Variants in RGL1 observed in about 807,000 individuals in gnomAD.
RGL1 encodes the protein ral guanine nucleotide dissociation stimulator-like 1.
RGL1 carries 24 observed loss-of-function variants against 95.2 expected under a neutral mutation model. The observed-to-expected ratio is 0.25, with a 90% CI of 0.18 to 0.35. The LOEUF (loss-of-function observed/expected upper bound fraction) is 0.35. RGL1 is among the 10% of genes least tolerant of loss of function. The pLI is 1.00. For missense variants in RGL1, 715 were observed against 936.3 expected (o/e 0.76, Z 3.08); for synonymous variants, 329 against 344.9 (o/e 0.95, Z 0.51).
intron 1 of RGL1, among the ~76,000 whole-genome samples, chr1:183,697,185 G>A (rs139952366): frequency 4.5e-4 from 69 of 151,868 alleles, no homozygotes; most frequent in African/African-American, 1.4e-3. Context: ...CCCTGCTCCC[G>A]CCCCAAACCC....
chr1:183,709,621 G>C, intron 1 of RGL1: 1 of 207,756 alleles, frequency 4.8e-6, no homozygotes, highest in Non-Finnish European at 1.0e-5. Flanking sequence ...TTTCAGCTGT[G>C]AGCTCTTCAT....
chr1:183,801,143 T>TTGTGTGTGTGTGTGTGTGTG (rs139990784), upstream of RGL1, among the ~76,000 whole-genome samples: 4 of 129,888 alleles, frequency 3.1e-5, no homozygotes, highest in African/African-American at 1.1e-4. Flanking sequence ...ACTTGTTATT[T>TTGTGTGTGTGTGTGTGTGTG]TGTGTGTGTG....
intron 2 of RGL1, among the ~76,000 whole-genome samples, chr1:183,772,285 T>C (rs1659322452): frequency 6.6e-6 from 1 of 152,162 alleles, no homozygotes; most frequent in South Asian, 2.1e-4. Context: ...ACACGCCCAC[T>C]GGGGCTTCAG....
chr1:183,636,265 G>C, exon 1 of RGL1: 2 of 398,780 alleles, frequency 5.0e-6, no homozygotes, highest in Non-Finnish European at 8.8e-6. Flanking sequence ...CAGTTGGTAG[G>C]AGTATGAGGC....
At chr1:183,715,814 G>C (rs866782765) in intron 1 of RGL1, among the ~76,000 whole-genome samples, 19 of 152,206 alleles carry the variant, frequency 1.2e-4, no homozygotes, top group Middle Eastern at 3.4e-3. Flanking sequence ...TAAGGAATTG[G>C]CTCATGTGGT....
intron 2 of RGL1, among the ~76,000 whole-genome samples, chr1:183,746,544 G>A (rs80139005): frequency 0.015 from 2,339 of 150,980 alleles, 75 homozygotes; most frequent in African/African-American, 0.054. Context: ...ATTATTCATC[G>A]TTATGTGGAT....
At chr1:183,648,746 A>G (rs544160727) in intron 1 of RGL1, 3 of 1,612,722 alleles carry the variant, frequency 1.9e-6, no homozygotes, top group South Asian at 1.1e-5. Context: ...CTATTGTTCC[A>G]TGATTTGCTA....
intron 2 of RGL1, among the ~76,000 whole-genome samples, chr1:183,785,365 A>G (rs1362533640): frequency 6.6e-6 from 1 of 151,860 alleles, no homozygotes; most frequent in Non-Finnish European, 1.5e-5. Context: ...CCCCTTTTTC[A>G]TGTGTTAACT....
intron 10 of RGL1, among the ~76,000 whole-genome samples, chr1:183,898,606 A>G (rs1667839871): frequency 6.6e-6 from 1 of 152,226 alleles, no homozygotes; most frequent in Non-Finnish European, 1.5e-5. Flanking sequence ...GCTCAACGTA[A>G]GTAAGAAATG....
intron 2 of RGL1, among the ~76,000 whole-genome samples, chr1:183,763,769 G>T (rs1658825670): frequency 1.3e-5 from 2 of 152,164 alleles, no homozygotes; most frequent in African/African-American, 4.8e-5. Context: ...ATATAGCTTG[G>T]TACATAATAA....
chr1:183,691,704 A>G (rs1276208310), intron 1 of RGL1, among the ~76,000 whole-genome samples: 1 of 152,242 alleles, frequency 6.6e-6, no homozygotes, highest in African/African-American at 2.4e-5. Flanking sequence ...TATCTTAAAC[A>G]TTAGTAAGCC....
At chr1:183,803,956 C>T (rs931679256), upstream of RGL1, among the ~76,000 whole-genome samples, 3 of 152,222 alleles carry the variant, frequency 2.0e-5, no homozygotes, top group African/African-American at 4.8e-5. Context: ...GGCATCTCCT[C>T]TCTATACAGT....
At chr1:183,899,854 A>G (rs1217756360) in intron 10 of RGL1, among the ~76,000 whole-genome samples, 2 of 152,236 alleles carry the variant, frequency 1.3e-5, no homozygotes, top group African/African-American at 4.8e-5. Flanking sequence ...AAGAGAACAG[A>G]CATCCTTCTC....
intron 1 of RGL1, among the ~76,000 whole-genome samples, chr1:183,662,358 CAA>C (rs1473923534): frequency 6.6e-6 from 1 of 151,846 alleles, no homozygotes; most frequent in Non-Finnish European, 1.5e-5. Flanking sequence ...GCAACTTCAG[CAA>C]AGTCTCAGGA....
intron 2 of RGL1, among the ~76,000 whole-genome samples, chr1:183,765,706 T>C (rs1658927034): frequency 6.6e-6 from 1 of 152,184 alleles, no homozygotes. Flanking sequence ...GTCCTTTTCA[T>C]GAACTCTCCC....
chr1:183,774,976 G>A lies in RGL1; in HGVS notation c.133-31399G>A, dbSNP rs553245505. ...GATCACAGCATCCAGACAATGAGAC[G>A]TCAGGCCCTTCATTCATTATGATTG... On this transcript the variant is annotated intron_variant, in intron 2 of 18. Transcript: ENST00000304685. 3.3e-5 allele frequency among the ~76,000 whole-genome samples: 5 copies of A among 152,250 alleles called. No homozygotes were observed. The South Asian group carries it at 6.2e-4, about 19-fold the overall frequency.
Position 183,901,223 on chromosome 1 carries a change from C to T in RGL1, c.1317+987C>T, listed in dbSNP as rs959339414. Among the ~76,000 whole-genome samples the T allele has an allele frequency of 5.9e-5, 9 of 152,002 alleles. 1 individual carries two copies. The highest frequency in any genetic ancestry group is 4.2e-4 in the South Asian group (2 of 4,816). The stretch of plus-strand genomic sequence containing the variant: ...TTGAGGCAGAAGAATTGCTTGAACC[C>T]GAGAGGCGGAGGTTGCAGTGAGCCG... On this transcript the variant is annotated intron_variant, in intron 11 of 17. Transcript: ENST00000360851.
At chr1:183,849,875 A>T (rs1392547505) in intron 3 of RGL1, among the ~76,000 whole-genome samples, 1 of 152,120 alleles carries the variant, frequency 6.6e-6, no homozygotes, top group Non-Finnish European at 1.5e-5. Flanking sequence ...ATTCTATAGG[A>T]TAATGTCATA....
chr1:183,746,758 C>T (rs1247826346), intron 2 of RGL1, among the ~76,000 whole-genome samples: 1 of 151,864 alleles, frequency 6.6e-6, no homozygotes, highest in Non-Finnish European at 1.5e-5. Context: ...CAACCTGTCA[C>T]CTACATTAGG....
Sources: gnomAD v4.1 joint callset for allele counts (sites outside exome capture counted in the v4.1 genomes callset) on GRCh38, gnomAD v4.1.1 for gene constraint, MANE v1.5 for transcripts, NCBI Gene and HGNC (gene_info 2026-07-23, HGNC 2026-07-21) for gene names.